Variants in MAML2 observed in about 807,000 individuals in gnomAD.
MAML2 encodes mastermind-like protein 2.
MAML2 carries 22 observed loss-of-function variants against 96.1 expected under a neutral mutation model. The observed-to-expected ratio is 0.23, with a 90% CI of 0.16 to 0.33. MAML2 has a LOEUF of 0.33. Among genes scored for constraint, MAML2 ranks in the 10% least tolerant of loss-of-function variants. The pLI, the probability that MAML2 is intolerant of heterozygous loss-of-function variation, is 1.00. For synonymous variants in MAML2, 561 were observed against 521.3 expected, an observed-to-expected ratio of 1.08 and a Z score of -1.04; for missense variants, 1,367 against 1,392.4, an observed-to-expected ratio of 0.98 and a Z score of 0.29.
chr11:96,267,184 G>A (rs1218328067), intron 1 of MAML2, among the ~76,000 whole-genome samples: 1 of 152,184 alleles, frequency 6.6e-6, no homozygotes, highest in Admixed American at 6.5e-5. Flanking sequence ...TGGAGTCAGT[G>A]CCAAGCTGAT....
chr11:96,018,859 G>A lies in MAML2; in HGVS notation c.2140-27136C>T, dbSNP rs182075363. ...CTGCCTCCACCTCCCAAAGTGCTGG[G>A]ATTACTGGTGTGAGCCACGGCGCCT... On this transcript the variant is annotated intron_variant, in intron 2 of 4. Coordinates refer to ENST00000524717, the MANE Select transcript of MAML2 (RefSeq NM_032427.4). 8.5e-4 allele frequency among the ~76,000 whole-genome samples: 130 copies of A among 152,324 alleles called. 1 individual carries two copies. Among genetic ancestry groups the A allele is most frequent in the Admixed American group, 1.6e-3 (24 of 15,294 alleles).
chr11:96,244,492 G>A (rs1489221772), intron 1 of MAML2, among the ~76,000 whole-genome samples: 2 of 152,124 alleles, frequency 1.3e-5, no homozygotes, highest in Non-Finnish European at 1.5e-5. Flanking sequence ...ATATCTACAC[G>A]TTGTAATTAT....
intron 1 of MAML2, among the ~76,000 whole-genome samples, chr11:96,320,722 T>C (rs1424528570): frequency 1.3e-5 from 2 of 152,330 alleles, no homozygotes; most frequent in East Asian, 3.8e-4. Context: ...GTATTTCTTA[T>C]GCCTGGAAAA....
At chr11:96,120,568 C>A (rs1860321095) in intron 1 of MAML2, among the ~76,000 whole-genome samples, 1 of 152,184 alleles carries the variant, frequency 6.6e-6, no homozygotes, top group African/African-American at 2.4e-5. Context: ...CACTTTGTTT[C>A]CACTCTGCAT....
chr11:96,183,400 C>T (rs576879284), intron 1 of MAML2, among the ~76,000 whole-genome samples: 3 of 62,062 alleles, frequency 4.8e-5, no homozygotes, highest in South Asian at 8.8e-4. Context: ...TCCTCCCCCC[C>T]CCCCCTTTCT....
chr11:96,341,544 C>CT lies in MAML2; in HGVS notation c.351dup (p.Ala118SerfsTer25). The CT allele has an allele frequency of 6.5e-7, 1 of 1,546,676 alleles. No individual in the cohort carries two copies. Among genetic ancestry groups the CT allele is most frequent in the Non-Finnish European group, 8.7e-7 (1 of 1,145,046 alleles). ...GGCGGTGGGGCTGCTGTTGCTGCTG[C>CT]TTGGGAGGCCGCAGGAGGGGCAGCA... On this transcript the variant is annotated frameshift_variant, in exon 1 of 5. Coordinates refer to ENST00000524717, the MANE Select transcript of MAML2 (RefSeq NM_032427.4). LOFTEE classifies it high-confidence loss of function.
intron 1 of MAML2, among the ~76,000 whole-genome samples, chr11:96,141,059 A>G (rs1860722751): frequency 6.6e-6 from 1 of 152,170 alleles, no homozygotes; most frequent in African/African-American, 2.4e-5. Flanking sequence ...TGTCTTTACC[A>G]TACTGTTGAC....
At chr11:96,310,262 A>G (rs1163113155) in intron 1 of MAML2, among the ~76,000 whole-genome samples, 1 of 152,180 alleles carries the variant, frequency 6.6e-6, no homozygotes, top group African/African-American at 2.4e-5. Context: ...GTAATGTAAA[A>G]ATCAGTATAT....
intron 1 of MAML2, among the ~76,000 whole-genome samples, chr11:96,123,375 G>A (rs1260093005): frequency 1.3e-5 from 2 of 151,932 alleles, no homozygotes; most frequent in Admixed American, 6.6e-5. Flanking sequence ...TCACCTGGGT[G>A]TTCATGGAGT....
intron 1 of MAML2, among the ~76,000 whole-genome samples, chr11:96,102,045 G>C (rs1859941206): frequency 6.6e-6 from 1 of 152,212 alleles, no homozygotes; most frequent in Non-Finnish European, 1.5e-5. Flanking sequence ...GGGAGGCTGA[G>C]GCAGACGGAT....
chr11:96,188,193 C>T (rs1861600773), intron 1 of MAML2, among the ~76,000 whole-genome samples: 1 of 152,220 alleles, frequency 6.6e-6, no homozygotes, highest in Admixed American at 6.5e-5. Context: ...GAAACAAGCA[C>T]ATGTTTGAAA....
rs554601880 is a variant in MAML2 at position 96,111,307 on chromosome 11, AT to A, written c.514-17791del. ...TTTTATTATTTTTGGCAGCAGAGAG[AT>A]TTTTTTTCTCTCCCATTGACCTGTA... On this transcript the variant is annotated intron_variant, in intron 1 of 4. Transcript: ENST00000524717. Among the ~76,000 whole-genome samples, 600 of 151,744 alleles carry A rather than the reference AT, an allele frequency of 4.0e-3. 7 individuals are homozygous for A. Among genetic ancestry groups the A allele is most frequent in the African/African-American group, 0.014 (565 of 41,348 alleles).
chr11:96,251,457 T>A (rs1458520194), intron 1 of MAML2, among the ~76,000 whole-genome samples: 1 of 152,234 alleles, frequency 6.6e-6, no homozygotes, highest in African/African-American at 2.4e-5. Flanking sequence ...AAATTCTTGT[T>A]TTATAACTGA....
chr11:96,121,804 TGAGACGGAGTC>T (rs1860348523), intron 1 of MAML2, among the ~76,000 whole-genome samples: 3 of 137,252 alleles, frequency 2.2e-5, no homozygotes, highest in African/African-American at 8.1e-5. Context: ...TTTTTTTTTT[TGAGACGGAGTC>T]TTGCTCTGTC....
intron 1 of MAML2, among the ~76,000 whole-genome samples, chr11:96,307,286 G>A (rs1863477470): frequency 6.6e-6 from 1 of 152,224 alleles, no homozygotes; most frequent in South Asian, 2.1e-4. Flanking sequence ...AGATCAAGTT[G>A]CCTTCAGTGC....
intron 1 of MAML2, among the ~76,000 whole-genome samples, chr11:96,261,993 C>G (rs548405626): frequency 6.6e-6 from 1 of 152,310 alleles, no homozygotes; most frequent in African/African-American, 2.4e-5. Context: ...TCCCTCCTGG[C>G]TCATTATTCT....
chr11:96,241,006 T>C (rs1034217924), intron 1 of MAML2, among the ~76,000 whole-genome samples: 2 of 152,208 alleles, frequency 1.3e-5, no homozygotes, highest in African/African-American at 4.8e-5. Flanking sequence ...GACTAATAGG[T>C]TGAACTATTT....
At chr11:96,282,908 T>C (rs1341095298) in intron 1 of MAML2, among the ~76,000 whole-genome samples, 1 of 152,196 alleles carries the variant, frequency 6.6e-6, no homozygotes, top group African/African-American at 2.4e-5. Flanking sequence ...CAAATTTTCT[T>C]CCACTTATAT....
At chr11:96,259,766 C>T (rs1385395585) in intron 1 of MAML2, among the ~76,000 whole-genome samples, 1 of 152,160 alleles carries the variant, frequency 6.6e-6, no homozygotes, top group South Asian at 2.1e-4. Flanking sequence ...CAGTTTCCTG[C>T]TTGCAAGACC....
Sources: allele counts gnomAD v4.1 joint callset (sites outside exome capture counted in the v4.1 genomes callset), GRCh38; gene constraint gnomAD v4.1.1; transcripts MANE v1.5; gene names NCBI Gene and HGNC (gene_info 2026-07-23, HGNC 2026-07-21).